OPA1: variants seen among roughly 807,000 people sequenced by gnomAD.
OPA1 encodes the protein OPA1 mitochondrial dynamin like GTPase, also known as dynamin-like GTPase OPA1, mitochondrial.
OPA1 carries 59 observed loss-of-function variants against 152.9 expected under a neutral mutation model. The observed-to-expected ratio is 0.39, with a 90% CI of 0.31 to 0.48. The LOEUF (loss-of-function observed/expected upper bound fraction) is 0.48, where lower values mean the gene tolerates loss of function less well. Among genes scored for constraint, OPA1 ranks in the 20% least tolerant of loss-of-function variants. The pLI, the probability that OPA1 is intolerant of heterozygous loss-of-function variation, is 0.96. For missense variants in OPA1, 1,008 were observed against 1,216.8 expected (o/e 0.83, Z 2.55); for synonymous variants, 400 against 389.9 (o/e 1.03, Z -0.31).
At chr3:193,678,542 C>T (rs1293848492) in intron 29 of OPA1, among the ~76,000 whole-genome samples, 1 of 152,080 alleles carries the variant, frequency 6.6e-6, no homozygotes, top group African/African-American at 2.4e-5. Context: ...TTGTCATTGC[C>T]CCTAGTTTTA....
chr3:193,687,645 C>T (rs1336597623), intron 29 of OPA1, among the ~76,000 whole-genome samples: 1 of 152,108 alleles, frequency 6.6e-6, no homozygotes, highest in Non-Finnish European at 1.5e-5. Flanking sequence ...TCTGAAGGAT[C>T]GGAAAGTAGG....
chr3:193,664,542 T>C (rs1452025312), intron 26 of OPA1, among the ~76,000 whole-genome samples: 1 of 152,032 alleles, frequency 6.6e-6, no homozygotes, highest in East Asian at 1.9e-4. Flanking sequence ...GCTTTCAACC[T>C]CTTTCTGCAT....
chr3:193,648,792 T>C lies in OPA1; in HGVS notation c.1936-3T>C. On this transcript the variant is annotated splice_region_variant and splice_polypyrimidine_tract_variant and intron_variant, in intron 20 of 30. Transcript: ENST00000361510. ...CTTACTTACTTGTATTTATATTGCC[T>C]AGAATGAACTATTTGAAAAAGCTAA... 6.3e-7 allele frequency: 1 copy of C among 1,576,758 alleles called. No individual in the cohort carries two copies. Among genetic ancestry groups the C allele is most frequent in the Middle Eastern group, 1.7e-4 (1 of 5,994 alleles).
intron 29 of OPA1, among the ~76,000 whole-genome samples, chr3:193,674,035 G>A (rs985023344): frequency 5.3e-5 from 8 of 152,176 alleles, no homozygotes; most frequent in African/African-American, 1.9e-4. Context: ...TAGAGAGTCG[G>A]GCTCGCAGCA....
intron 1 of OPA1, among the ~76,000 whole-genome samples, chr3:193,608,167 T>G (rs1218435720): frequency 6.6e-6 from 1 of 152,212 alleles, no homozygotes; most frequent in African/African-American, 2.4e-5. Context: ...CTGGATTCAT[T>G]GATTTTTTGA....
chr3:193,604,942 G>A (rs1727028354), intron 1 of OPA1, among the ~76,000 whole-genome samples: 1 of 151,936 alleles, frequency 6.6e-6, no homozygotes, highest in African/African-American at 2.4e-5. Flanking sequence ...GCAAGTTGCT[G>A]TAAAAGGTAA....
intron 18 of OPA1, 78 bp downstream of exon 18, chr3:193,645,878 C>A: frequency 8.8e-7 from 1 of 1,137,478 alleles, no homozygotes; most frequent in Non-Finnish European, 1.3e-6. Context: ...CTTAAAACAT[C>A]AGGTTTTATA....
chr3:193,617,813 G>A lies in OPA1; in HGVS notation c.586G>A (p.Ala196Thr). 1 of 1,612,928 alleles carries A rather than the reference G, an allele frequency of 6.2e-7. No individual in the cohort carries two copies. The highest frequency in any genetic ancestry group is 8.5e-7 in the Non-Finnish European group (1 of 1,179,164). ...GHKLVSEVIG[A>T]SDLLLLLGSP... ...CAAATTGGTTAGTGAAGTCATAGGA[G>A]CTTCTGACCTACTTCTCTTGTTAGG... Residue 196 changes from alanine to threonine, a missense_variant, in exon 5 of 31, where the codon GCT becomes ACT. Ala to Thr is a moderately conservative substitution (Grantham distance 58). This residue lies in a region of OPA1 where 408 missense variants were observed against 395.1 expected (regional missense o/e 1.03). Coordinates refer to ENST00000361510, the MANE Select transcript of OPA1 (RefSeq NM_130837.3).
intron 1 of OPA1, among the ~76,000 whole-genome samples, chr3:193,610,141 T>C (rs1004873102): frequency 1.3e-5 from 2 of 152,236 alleles, no homozygotes; most frequent in African/African-American, 4.8e-5. Flanking sequence ...GTATTTTTGC[T>C]CTGTTTCTTC....
chr3:193,617,910 A>G, intron 5 of OPA1, 73 bp downstream of exon 5: 1 of 1,039,694 alleles, frequency 9.6e-7, no homozygotes, highest in Non-Finnish European at 1.5e-6. Context: ...TGCAAATAAA[A>G]TTGCAGACCA....
rs779838884 is a variant in OPA1, at chr3:193,662,858, A to G, written c.2557A>G (p.Met853Val). ...TGAAACCAAGAATGAATTGGAGAAG[A>G]TGTTGAAATGTAATGAGGAGCACCC... The part of the protein sequence containing the change: ...HNETKNELEK[M>V]LKCNEEHPAY... The change falls in exon 26 of 31, where the codon ATG (methionine) becomes GTG (valine). Residue 853 changes from methionine (M) to valine (V), a missense_variant. Coordinates refer to ENST00000361510, the MANE Select transcript of OPA1 (RefSeq NM_130837.3). 6.2e-7 allele frequency: 1 copy of G among 1,613,408 alleles called. No individual in the cohort carries two copies. Among genetic ancestry groups the G allele is most frequent in the East Asian group, 2.2e-5 (1 of 44,856 alleles).
intron 29 of OPA1, among the ~76,000 whole-genome samples, chr3:193,685,179 G>C (rs1720767724): frequency 6.6e-6 from 1 of 151,954 alleles, no homozygotes; most frequent in Admixed American, 6.6e-5. Flanking sequence ...ATGCCTGCCT[G>C]TAGTCCCAGC....
chr3:193,693,555 A>G (rs533068138), intron 30 of OPA1, among the ~76,000 whole-genome samples: 36 of 152,126 alleles, frequency 2.4e-4, no homozygotes, highest in Admixed American at 2.0e-3. Context: ...CAGGAGAATC[A>G]CTTGAACCTG....
intron 2 of OPA1, among the ~76,000 whole-genome samples, chr3:193,615,244 T>A (rs1460942771): frequency 6.6e-6 from 1 of 152,144 alleles, no homozygotes; most frequent in Non-Finnish European, 1.5e-5. Context: ...TAAAATGGCC[T>A]AGTGGAAGGA....
At chr3:193,662,168 A>G (rs976575873) in intron 25 of OPA1, among the ~76,000 whole-genome samples, 12 of 152,198 alleles carry the variant, frequency 7.9e-5, no homozygotes, top group African/African-American at 2.9e-4. Flanking sequence ...CAGTATAAGA[A>G]TCTTGTTATC....
intron 6 of OPA1, among the ~76,000 whole-genome samples, chr3:193,619,182 A>G (rs908381260): frequency 6.6e-6 from 1 of 152,194 alleles, no homozygotes; most frequent in African/African-American, 2.4e-5. Flanking sequence ...TGTCCCCAAG[A>G]AAGAGTTGTG....
In OPA1 at chr3:193,617,660, A is replaced by G. The variant is rs1729269720; in HGVS notation, c.557-124A>G. ...TAATGAGTAGCATTTATTAAGTTTA[A>G]TCCTGGCATATTTGCCCAATTATTG... On this transcript the variant is annotated intron_variant, in intron 4 of 30. Transcript: ENST00000361510. 22 of 759,332 alleles carry G rather than the reference A, an allele frequency of 2.9e-5. 1 individual carries two copies. Among genetic ancestry groups the G allele is most frequent in the Middle Eastern group, 2.9e-4 (1 of 3,504 alleles). The allele number at this position is 759,332 out of a possible 1,614,324, so 47.0% of individuals were successfully genotyped here. A position where few individuals can be genotyped will look rare whatever the true frequency, so the allele number is the denominator to read the frequency against.
chr3:193,597,361 G>T (rs564684096), intron 1 of OPA1, among the ~76,000 whole-genome samples: 1 of 152,122 alleles, frequency 6.6e-6, no homozygotes, highest in African/African-American at 2.4e-5. Context: ...GAAGCCTATG[G>T]TGCCCTCCGT....
intron 8 of OPA1, among the ~76,000 whole-genome samples, chr3:193,633,389 T>C (rs1245518762): frequency 6.6e-6 from 1 of 152,248 alleles, no homozygotes. Context: ...AATTGGCATC[T>C]GTACCAAAAT....
Sources: allele counts gnomAD v4.1 joint callset (sites outside exome capture counted in the v4.1 genomes callset), GRCh38; gene constraint gnomAD v4.1.1; regional missense constraint gnomAD v4.1.1; transcripts MANE v1.5; gene names NCBI Gene and HGNC (gene_info 2026-07-23, HGNC 2026-07-21).